The following STX8 variants were observed in gnomAD, a reference collection of about 807,000 sequenced individuals.
The protein encoded by STX8 is syntaxin 8.
Under a neutral mutation model 37.5 loss-of-function variants are expected in STX8, and 23 were observed. The ratio of observed to expected loss-of-function variants is 0.61; its 90% CI spans 0.44 to 0.87. The LOEUF (loss-of-function observed/expected upper bound fraction) is 0.87, where lower values mean the gene tolerates loss of function less well. Ranked by LOEUF, STX8 falls within the 40% of genes least tolerant of loss-of-function variation. STX8 has a pLI of 0.00. For missense variants in STX8, 313 were observed against 284.7 expected (o/e 1.10, Z -0.71); for synonymous variants, 115 against 99.1 (o/e 1.16, Z -0.95).
intron 7 of STX8, among the ~76,000 whole-genome samples, chr17:9,369,886 CAAAAAAAA>C (rs60178482): frequency 0.016 from 855 of 52,138 alleles, 23 homozygotes; most frequent in African/African-American, 0.05. Flanking sequence ...GACCCTGTAC[CAAAAAAAA>C]AAAAAAAAAA....
chr17:9,493,657 C>T (rs1906952193), intron 5 of STX8, among the ~76,000 whole-genome samples: 1 of 152,226 alleles, frequency 6.6e-6, no homozygotes, highest in Admixed American at 6.5e-5. Flanking sequence ...GGGCTCCTCC[C>T]TGGACATTCT....
intron 6 of STX8, chr17:9,469,232 C>T (rs1458792427): frequency 6.6e-6 from 1 of 152,180 alleles, no homozygotes; most frequent in Admixed American, 6.5e-5. Context: ...TGGTCAGCCT[C>T]CAATCTCCTT....
intron 7 of STX8, among the ~76,000 whole-genome samples, chr17:9,259,465 G>A (rs1025476893): frequency 6.6e-6 from 1 of 152,188 alleles, no homozygotes; most frequent in Non-Finnish European, 1.5e-5. Flanking sequence ...AAAAACAGAG[G>A]AACACCTGGG....
rs181548892 is a variant in STX8 at position 9,319,222 on chromosome 17, G to A, written c.643+59330C>T. ...ATCACAAGGTCAGGAGATCGAGACC[G>A]TCCTGGCTAACACAGTGAAACCCTG... On this transcript the variant is annotated intron_variant, in intron 7 of 7. Transcript: ENST00000306357. 4.2e-3 allele frequency among the ~76,000 whole-genome samples: 638 copies of A among 151,824 alleles called. 16 individuals carry two copies. The highest frequency in any genetic ancestry group is 0.027 in the East Asian group (139 of 5,110).
intron 7 of STX8, among the ~76,000 whole-genome samples, chr17:9,324,090 T>G (rs530579986): frequency 6.9e-6 from 1 of 145,738 alleles, no homozygotes; most frequent in East Asian, 2.0e-4. Context: ...GGCATCCCTC[T>G]CTCTCTCTCT....
At position 9,275,582 on chromosome 17, in the gene STX8, A is replaced by G. The variant is rs144188669; in HGVS notation, c.644-24937T>C. Among the ~76,000 whole-genome samples the G allele has an allele frequency of 2.5e-3, 379 of 152,284 alleles. 2 individuals are homozygous for G. The highest frequency in any genetic ancestry group is 8.9e-3 in the South Asian group (43 of 4,824). On this transcript the variant is annotated intron_variant, in intron 7 of 7. Coordinates refer to ENST00000306357, the MANE Select transcript of STX8 (RefSeq NM_004853.3). ...TCTGGACCTCACCTATAAGATGGGG[A>G]TAACAGGTTGGGCGCAGTGGCTCAT... is the stretch of plus-strand genomic sequence containing the variant.
At position 9,402,419 on chromosome 17, in the gene STX8, C is replaced by G. The variant is rs913332496; in HGVS notation, c.542-23766G>C. Reference sequence around the variant, plus strand: ...TACAGGCGTGAGTCACCGCACCCAGCCTTTTTAATATATTTTTAAATCATT... The same window carrying G: ...TACAGGCGTGAGTCACCGCACCCAGGCTTTTTAATATATTTTTAAATCATT... On this transcript the variant is annotated intron_variant, in intron 6 of 7. Transcript: ENST00000306357. 3.1e-4 allele frequency among the ~76,000 whole-genome samples: 47 copies of G among 152,216 alleles called. No homozygotes were observed. In the South Asian group the frequency reaches 5.2e-3, roughly 17 times the overall value.
intron 6 of STX8, among the ~76,000 whole-genome samples, chr17:9,419,868 A>C (rs79982389): frequency 0.023 from 3,576 of 152,312 alleles, 72 homozygotes; most frequent in South Asian, 0.047. Context: ...ACTTCAGAGG[A>C]AATAGGAAAT....
At chr17:9,432,294 T>C (rs904792803) in intron 6 of STX8, among the ~76,000 whole-genome samples, 4 of 152,190 alleles carry the variant, frequency 2.6e-5, no homozygotes, top group African/African-American at 7.2e-5. Flanking sequence ...GCTCCTCACA[T>C]ACGGCCAGAG....
intron 7 of STX8, among the ~76,000 whole-genome samples, chr17:9,304,931 A>G (rs1358727236): frequency 2.3e-5 from 3 of 132,012 alleles, no homozygotes; most frequent in Non-Finnish European, 4.5e-5. Flanking sequence ...AAAAATATGT[A>G]TATATATATA....
intron 6 of STX8, among the ~76,000 whole-genome samples, chr17:9,448,502 T>C (rs1231780975): frequency 4.6e-5 from 6 of 129,286 alleles, no homozygotes; most frequent in Non-Finnish European, 3.2e-5. Context: ...ACTGCTAAAG[T>C]GCCGTTTGGC....
At chr17:9,317,033 T>C (rs894015212) in intron 7 of STX8, among the ~76,000 whole-genome samples, 1 of 152,108 alleles carries the variant, frequency 6.6e-6, no homozygotes, top group Non-Finnish European at 1.5e-5. Flanking sequence ...AAGGTGTCTA[T>C]AAGATTTCTG....
At chr17:9,555,052 G>C (rs946141136) in intron 3 of STX8, 2 of 152,014 alleles carry the variant, frequency 1.3e-5, no homozygotes, top group African/African-American at 4.8e-5. Context: ...AAAATAAATA[G>C]AATTTTAAAG....
chr17:9,415,655 G>C (rs1051785620), intron 6 of STX8, among the ~76,000 whole-genome samples: 1 of 152,124 alleles, frequency 6.6e-6, no homozygotes, highest in African/African-American at 2.4e-5. Flanking sequence ...TGTAGTCCCA[G>C]CTACTCAGGA....
intron 7 of STX8, among the ~76,000 whole-genome samples, chr17:9,353,688 T>A (rs1910785131): frequency 6.6e-6 from 1 of 152,206 alleles, no homozygotes; most frequent in African/African-American, 2.4e-5. Context: ...GAATTCAAGA[T>A]TTCTGCAATT....
intron 4 of STX8, among the ~76,000 whole-genome samples, chr17:9,516,705 T>C (rs1471863418): frequency 6.6e-6 from 1 of 152,156 alleles, no homozygotes; most frequent in South Asian, 2.1e-4. Context: ...TTCTAGGTAC[T>C]AGGAAAATAC....
At chr17:9,534,118 G>C (rs1470362109) in intron 4 of STX8, among the ~76,000 whole-genome samples, 1 of 151,884 alleles carries the variant, frequency 6.6e-6, no homozygotes, top group African/African-American at 2.4e-5. Flanking sequence ...AATGCTAAAA[G>C]CTATTAGAGA....
At chr17:9,402,894 C>T (rs561306283) in intron 6 of STX8, among the ~76,000 whole-genome samples, 4 of 152,140 alleles carry the variant, frequency 2.6e-5, no homozygotes, top group African/African-American at 9.7e-5. Flanking sequence ...ACTATGGATA[C>T]GGAGAATATC....
chr17:9,301,654 GTT>G (rs530983906), intron 7 of STX8, among the ~76,000 whole-genome samples: 17 of 123,506 alleles, frequency 1.4e-4, no homozygotes, highest in African/African-American at 3.7e-4. Flanking sequence ...GGCCATTTTT[GTT>G]TTTTTTTTTG....
Sources: gnomAD v4.1 joint callset for allele counts (sites outside exome capture counted in the v4.1 genomes callset) on GRCh38, gnomAD v4.1.1 for gene constraint, MANE v1.5 for transcripts, NCBI Gene and HGNC (gene_info 2026-07-23, HGNC 2026-07-21) for gene names.